PAK5: variants seen among roughly 807,000 people sequenced by gnomAD.
The protein encoded by PAK5 is p21 (RAC1) activated kinase 5.
In PAK5, 16 loss-of-function variants were observed where a neutral mutation model predicts 65.9. The observed-to-expected ratio is 0.24, with a 90% CI of 0.16 to 0.37. The LOEUF (loss-of-function observed/expected upper bound fraction) is 0.37, where lower values mean the gene tolerates loss of function less well. Among genes scored for constraint, PAK5 ranks in the 10% least tolerant of loss-of-function variants. The pLI is 1.00. For missense variants in PAK5, 785 were observed against 903.9 expected, an observed-to-expected ratio of 0.87 and a Z score of 1.69; for synonymous variants, 371 against 354.9, an observed-to-expected ratio of 1.05 and a Z score of -0.51.
chr20:9,564,036 C>T (rs8120683), intron 5 of PAK5, among the ~76,000 whole-genome samples: 4 of 152,222 alleles, frequency 2.6e-5, no homozygotes, highest in African/African-American at 4.8e-5. Context: ...GTCAAGCAGC[C>T]GTAGATTGTT....
intron 1 of PAK5, among the ~76,000 whole-genome samples, chr20:9,772,595 A>T (rs1256756003): frequency 6.6e-6 from 1 of 152,242 alleles, no homozygotes; most frequent in Non-Finnish European, 1.5e-5. Context: ...CAAAGCACAC[A>T]TAGTTGGAAT....
intron 1 of PAK5, among the ~76,000 whole-genome samples, chr20:9,831,064 G>T (rs775462949): frequency 6.6e-6 from 1 of 152,218 alleles, no homozygotes; most frequent in South Asian, 2.1e-4. Flanking sequence ...GGCTGGGTGT[G>T]GGGGAAGAAC....
rs546840289 is a variant in PAK5, at chr20:9,790,153, C to T, written c.-162+48609G>A. On this transcript the variant is annotated intron_variant, in intron 1 of 9. Coordinates refer to ENST00000353224, the MANE Select transcript of PAK5 (RefSeq NM_177990.4). The stretch of plus-strand genomic sequence containing the variant: ...AGCTGTACCCCTAAAACTTCCTCTA[C>T]GGGTCCTGCTATTGTGTTTGAAGTT... 9.7e-4 allele frequency among the ~76,000 whole-genome samples: 148 copies of T among 152,252 alleles called. 1 individual carries two copies. In the Middle Eastern group the frequency reaches 0.02, roughly 21 times the overall value.
intron 1 of PAK5, among the ~76,000 whole-genome samples, chr20:9,756,724 C>A (rs565126012): frequency 6.6e-6 from 1 of 152,194 alleles, no homozygotes; most frequent in East Asian, 1.9e-4. Flanking sequence ...AAAATTAAAA[C>A]AATGTATATA....
intron 3 of PAK5, among the ~76,000 whole-genome samples, chr20:9,640,529 C>T (rs998170784): frequency 1.3e-5 from 2 of 152,084 alleles, no homozygotes; most frequent in African/African-American, 2.4e-5. Context: ...CATACGTGTG[C>T]TTGTGTGTTT....
intron 1 of PAK5, among the ~76,000 whole-genome samples, chr20:9,773,933 G>A (rs2048860581): frequency 6.6e-6 from 1 of 152,128 alleles, no homozygotes; most frequent in Non-Finnish European, 1.5e-5. Context: ...GTTCCCTATT[G>A]CTGTTTTCTC....
intron 3 of PAK5, among the ~76,000 whole-genome samples, chr20:9,598,758 C>T (rs887419017): frequency 2.0e-5 from 3 of 152,106 alleles, no homozygotes; most frequent in Non-Finnish European, 4.4e-5. Context: ...AAATGTCTTC[C>T]TTTGAGAAGT....
At chr20:9,801,503 T>C (rs182734549) in intron 1 of PAK5, among the ~76,000 whole-genome samples, 2 of 150,840 alleles carry the variant, frequency 1.3e-5, no homozygotes, top group Admixed American at 1.3e-4. Context: ...ATATACATTA[T>C]ATTATAGATA....
intron 2 of PAK5, among the ~76,000 whole-genome samples, chr20:9,704,543 T>C (rs1381436766): frequency 6.6e-6 from 1 of 152,174 alleles, no homozygotes; most frequent in Non-Finnish European, 1.5e-5. Context: ...ACTAAATATA[T>C]GATCCCTATT....
At chr20:9,817,592 A>C (rs998360327) in intron 1 of PAK5, among the ~76,000 whole-genome samples, 3 of 152,202 alleles carry the variant, frequency 2.0e-5, no homozygotes, top group African/African-American at 7.2e-5. Flanking sequence ...AATATGTAGA[A>C]AGTAAATCAG....
At chr20:9,642,433 G>A (rs2047081919) in intron 3 of PAK5, among the ~76,000 whole-genome samples, 1 of 152,072 alleles carries the variant, frequency 6.6e-6, no homozygotes, top group Non-Finnish European at 1.5e-5. Context: ...ATACTCCAGG[G>A]TAAGAAAATA....
chr20:9,554,869 A>C (rs1334477990), intron 7 of PAK5, among the ~76,000 whole-genome samples: 1 of 152,102 alleles, frequency 6.6e-6, no homozygotes, highest in Admixed American at 6.5e-5. Context: ...TCTGCCTGGA[A>C]TGCTCCTGTT....
At chr20:9,648,652 G>T (rs2047165392) in intron 2 of PAK5, among the ~76,000 whole-genome samples, 1 of 152,226 alleles carries the variant, frequency 6.6e-6, no homozygotes, top group Middle Eastern at 3.4e-3. Flanking sequence ...TGCAGAGGAG[G>T]TGTTATTATC....
chr20:9,777,374 C>A (rs979851672), intron 1 of PAK5, among the ~76,000 whole-genome samples: 2 of 152,140 alleles, frequency 1.3e-5, no homozygotes, highest in African/African-American at 4.8e-5. Context: ...CAGGTTTTTC[C>A]AGTGCTGCTC....
At chr20:9,739,753 A>G (rs2048431081) in intron 1 of PAK5, among the ~76,000 whole-genome samples, 1 of 152,134 alleles carries the variant, frequency 6.6e-6, no homozygotes, top group Non-Finnish European at 1.5e-5. Flanking sequence ...GACTGACTGG[A>G]GGATAGAAGG....
intron 1 of PAK5, among the ~76,000 whole-genome samples, chr20:9,793,383 T>C (rs1381928762): frequency 6.6e-6 from 1 of 152,110 alleles, no homozygotes; most frequent in Non-Finnish European, 1.5e-5. Flanking sequence ...AGACTACCTA[T>C]ACCAATAGGT....
At chr20:9,811,352 C>T (rs1252517316) in intron 1 of PAK5, among the ~76,000 whole-genome samples, 3 of 152,092 alleles carry the variant, frequency 2.0e-5, no homozygotes, top group Non-Finnish European at 4.4e-5. Context: ...TCTCTCTCTC[C>T]CCCACCCCAA....
chr20:9,783,246 A>G (rs114476484), intron 1 of PAK5, among the ~76,000 whole-genome samples: 3,194 of 152,168 alleles, frequency 0.021, 107 homozygotes, highest in African/African-American at 0.072. Context: ...AAGTTTGTCT[A>G]CTTTTTCTTA....
chr20:9,827,547 T>TA (rs1245567522), intron 1 of PAK5, among the ~76,000 whole-genome samples: 434 of 131,282 alleles, frequency 3.3e-3, no homozygotes, highest in African/African-American at 0.012. Context: ...AGAAGGAAGC[T>TA]AAAAAAAAAT....
Sources: gnomAD v4.1 joint callset for allele counts (sites outside exome capture counted in the v4.1 genomes callset) on GRCh38, gnomAD v4.1.1 for gene constraint, MANE v1.5 for transcripts, NCBI Gene and HGNC (gene_info 2026-07-23, HGNC 2026-07-21) for gene names.